FXYD3: variants seen among roughly 807,000 people sequenced by gnomAD.
FXYD3 encodes the protein FXYD domain-containing ion transport regulator 3.
In FXYD3, 13 loss-of-function variants were observed where a neutral mutation model predicts 19.2. That is an observed-to-expected ratio of 0.68 (90% CI 0.44 to 1.08). The LOEUF is 1.08. Among genes scored for constraint, FXYD3 ranks in the 50% least tolerant of loss-of-function variants. FXYD3 has a pLI of 0.00. For synonymous variants in FXYD3, 48 were observed against 38.9 expected, an observed-to-expected ratio of 1.23 and a Z score of -0.87; for missense variants, 101 against 109.4, an observed-to-expected ratio of 0.92 and a Z score of 0.34.
At chr19:35,118,165 G>C (rs1230338953) in intron 2 of FXYD3, 1 of 152,224 alleles carries the variant, frequency 6.6e-6, no homozygotes, top group Admixed American at 6.6e-5. Context: ...AGACCAGCCT[G>C]GCCAACACAG....
chr19:35,120,657 C>T (rs2065020831), intron 3 of FXYD3, among the ~76,000 whole-genome samples: 1 of 152,178 alleles, frequency 6.6e-6, no homozygotes, highest in Non-Finnish European at 1.5e-5. Context: ...AACACCAGAC[C>T]AGGTGGGTGT....
chr19:35,118,065 T>G (rs531091339), intron 2 of FXYD3: 1 of 152,290 alleles, frequency 6.6e-6, no homozygotes, highest in South Asian at 2.1e-4. Context: ...GCTATCAAAA[T>G]TATAACTAGG....
rs145045936 is a variant in FXYD3 at position 35,118,669 on chromosome 19, T to A, written c.-14-694T>A. ...GGGCTGGGACCGGGAAGGGCATGGG[T>A]GTGGGATGAGGGGCAGGAGGTTCGG... On this transcript the variant is annotated intron_variant, in intron 2 of 8. Transcript: ENST00000604404. 1.3e-3 allele frequency: 982 copies of A among 748,116 alleles called. 9 individuals are homozygous for A. In the African/African-American group the frequency reaches 0.017, roughly 13 times the overall value. The allele number at this position is 748,116 out of a possible 1,614,324, so 46.3% of individuals were successfully genotyped here.
At chr19:35,122,537 C>T (rs754786233) in intron 5 of FXYD3, 29 of 571,828 alleles carry the variant, frequency 5.1e-5, no homozygotes, top group Non-Finnish European at 8.6e-5. Context: ...TCTCCCACCC[C>T]ACTTATTTTT....
chr19:35,121,447 C>A, intron 5 of FXYD3: 1 of 1,487,832 alleles, frequency 6.7e-7, no homozygotes. Context: ...TCTATTCCAG[C>A]AAGATAGACA....
At chr19:35,117,319 A>G (rs1347085550) in intron 2 of FXYD3, 13 of 1,510,252 alleles carry the variant, frequency 8.6e-6, no homozygotes, top group Non-Finnish European at 1.1e-5. Context: ...GGAAGGGGGT[A>G]TAGTGGGGCC....
At chr19:35,116,388 C>T in intron 2 of FXYD3, 29 bp downstream of exon 2, 1 of 985,378 alleles carries the variant, frequency 1.0e-6, no homozygotes, top group Non-Finnish European at 1.2e-6. Context: ...TTCCTCCAAG[C>T]CCTCCTTGTC....
chr19:35,119,681 G>A, intron 3 of FXYD3: 1 of 538,324 alleles, frequency 1.9e-6, no homozygotes, highest in Non-Finnish European at 3.3e-6. Flanking sequence ...TTTTGTTTTT[G>A]TTTTTGTTTT....
intron 3 of FXYD3, among the ~76,000 whole-genome samples, chr19:35,120,403 G>A (rs1238672838): frequency 1.3e-5 from 2 of 152,144 alleles, no homozygotes; most frequent in African/African-American, 4.8e-5. Context: ...GCCTTCCAAA[G>A]TTTTGGGATT....
intron 5 of FXYD3, chr19:35,121,526 T>C (rs2065043869): frequency 7.1e-7 from 1 of 1,418,344 alleles, no homozygotes; most frequent in Non-Finnish European, 9.2e-7. Context: ...GGAGAAGTGT[T>C]GACTTGAGAA....
At chr19:35,117,328 C>A in intron 2 of FXYD3, 1 of 1,507,972 alleles carries the variant, frequency 6.6e-7, no homozygotes, top group Non-Finnish European at 8.9e-7. Context: ...TATAGTGGGG[C>A]CTTGCAGGCC....
At position 35,117,410 on chromosome 19, in the gene FXYD3, A is replaced by G. The variant is rs189950603; in HGVS notation, c.-15+1051A>G. On this transcript the variant is annotated intron_variant, in intron 2 of 8. Transcript: ENST00000604404. ...CTCAACAGCCATGGCGACAGAGCAT[A>G]GGGCTTTAAGATGAATTTGCAGGGG... 1.3e-4 allele frequency: 193 copies of G among 1,430,290 alleles called. No homozygotes were observed. The African/African-American group carries it at 2.6e-3, about 19-fold the overall frequency. The allele number at this position is 1,430,290 out of a possible 1,614,324, so 88.6% of individuals were successfully genotyped here.
chr19:35,121,208 T>A lies in FXYD3; in HGVS notation c.74-14T>A. The A allele has an allele frequency of 1.9e-6, 3 of 1,614,198 alleles. No homozygotes were observed. The highest frequency in any genetic ancestry group is 2.5e-6 in the Non-Finnish European group (3 of 1,180,000). On this transcript the variant is annotated splice_polypyrimidine_tract_variant and intron_variant, in intron 4 of 8. Transcript: ENST00000604404. ...TGTAATCCTGGATTCATGATCTTTT[T>A]TCTTTCCTTGCAGATAAAAACAGTC...
intron 2 of FXYD3, chr19:35,117,366 A>G (rs1180934504): frequency 4.7e-6 from 7 of 1,497,362 alleles, no homozygotes; most frequent in Non-Finnish European, 6.2e-6. Flanking sequence ...GCCCCTGGAA[A>G]GAGGCTTAAG....
chr19:35,119,518 G>A, intron 3 of FXYD3, 102 bp downstream of exon 3: 2 of 1,072,372 alleles, frequency 1.9e-6, no homozygotes, highest in South Asian at 1.3e-5. Context: ...CGGGAAGGTG[G>A]TAAATGTTAG....
chr19:35,123,215 C>T (rs746414875), intron 7 of FXYD3, 56 bp from the exon 8 acceptor site: 38 of 1,541,990 alleles, frequency 2.5e-5, no homozygotes, highest in Middle Eastern at 2.4e-4. Flanking sequence ...ACCCTCTATC[C>T]GGAGGGAGAG....
At chr19:35,119,294 G>A (rs777049591) in intron 2 of FXYD3, 69 bp from the exon 3 acceptor site, 1 of 1,609,304 alleles carries the variant, frequency 6.2e-7, no homozygotes, top group Non-Finnish European at 8.5e-7. Flanking sequence ...AGGAGGGTTG[G>A]GGAGCCACAG....
Position 35,123,792 on chromosome 19 carries a change from T to C in FXYD3, c.*335T>C, listed in dbSNP as rs769186213. 40 of 431,730 alleles carry C rather than the reference T, an allele frequency of 9.3e-5. No individual in the cohort carries two copies. Among genetic ancestry groups the C allele is most frequent in the Non-Finnish European group, 1.4e-4 (33 of 236,702 alleles). The allele number at this position is 431,730 out of a possible 1,614,324, so 26.7% of individuals were successfully genotyped here. On this transcript the variant is annotated 3_prime_UTR_variant, in exon 9 of 9. Transcript: ENST00000604404. ...GGAAAAGCCCACAGGCCTGTTCCCT[T>C]GTGGCTTGGGACATGGCACAGGCCC...
chr19:35,120,768 C>T (rs1374076644), intron 3 of FXYD3, among the ~76,000 whole-genome samples: 2 of 152,112 alleles, frequency 1.3e-5, no homozygotes, highest in African/African-American at 4.8e-5. Flanking sequence ...CAGAAAAGTC[C>T]CCCGCTGCTG....
Sources: gnomAD v4.1 joint callset for allele counts (sites outside exome capture counted in the v4.1 genomes callset) on GRCh38, gnomAD v4.1.1 for gene constraint, MANE v1.5 for transcripts, NCBI Gene and HGNC (gene_info 2026-07-23, HGNC 2026-07-21) for gene names.